HHIP: variants seen among roughly 807,000 people sequenced by gnomAD.
HHIP encodes the protein hedgehog-interacting protein.
HHIP carries 12 observed loss-of-function variants against 74.0 expected under a neutral mutation model. The observed-to-expected ratio is 0.16, with a 90% CI of 0.10 to 0.26. The LOEUF is 0.26. HHIP is among the 10% of genes least tolerant of loss of function. HHIP has a pLI of 1.00. For missense variants in HHIP, 788 were observed against 845.0 expected (o/e 0.93, Z 0.84); for synonymous variants, 309 against 311.6 (o/e 0.99, Z 0.09).
intron 12 of HHIP, 123 bp downstream of exon 12, chr4:144,735,012 A>T (rs1445329482): frequency 2.5e-6 from 2 of 814,124 alleles, no homozygotes; most frequent in South Asian, 2.9e-5. Context: ...AGCCATTTAC[A>T]ATACTATTAA....
At chr4:144,650,341 C>T (rs917713486) in intron 1 of HHIP, among the ~76,000 whole-genome samples, 12 of 152,044 alleles carry the variant, frequency 7.9e-5, no homozygotes, top group Non-Finnish European at 1.3e-4. Context: ...AATAATGTTT[C>T]GAAGTTTTAC....
chr4:144,652,852 A>C (rs1728461853), intron 2 of HHIP, 55 bp downstream of exon 2: 8 of 1,155,102 alleles, frequency 6.9e-6, no homozygotes. Context: ...TCCTTGTAAG[A>C]TACTTGTACT....
intron 4 of HHIP, among the ~76,000 whole-genome samples, chr4:144,692,557 G>T (rs184837447): frequency 1.3e-4 from 20 of 152,200 alleles, no homozygotes; most frequent in Admixed American, 4.6e-4. Context: ...CTTTAGAGAG[G>T]TCTTTGCTAA....
At chr4:144,664,997 G>A (rs1728822040) in intron 4 of HHIP, among the ~76,000 whole-genome samples, 1 of 152,120 alleles carries the variant, frequency 6.6e-6, no homozygotes, top group African/African-American at 2.4e-5. Flanking sequence ...TAAAATTCTG[G>A]TTACAAACCG....
chr4:144,734,859 C>A lies in HHIP; in HGVS notation c.1879C>A (p.Pro627Thr), dbSNP rs200625809. 3 of 1,612,234 alleles carry A rather than the reference C, an allele frequency of 1.9e-6. No individual in the cohort carries two copies. The highest frequency in any genetic ancestry group is 2.5e-6 in the Non-Finnish European group (3 of 1,178,600). The change falls in exon 12 of 13, where the codon CCA (proline) becomes ACA (threonine). Residue 627 changes from proline to threonine, a missense_variant. This residue lies in a region of HHIP where 343 missense variants were observed against 347.9 expected (regional missense o/e 0.99). Coordinates refer to ENST00000296575, the MANE Select transcript of HHIP (RefSeq NM_022475.3). ...CTPTGKCCCSPGWEGDFCRTA... is the reference protein window; with the variant it reads ...CTPTGKCCCSTGWEGDFCRTA... ...CCCCACGGGAAAGTGCTGCTGCAGT[C>A]CAGGCTGGGAGGGGGACTTCTGCAG... is the stretch of plus-strand genomic sequence containing the variant.
At chr4:144,662,418 G>A (rs958976501) in intron 4 of HHIP, among the ~76,000 whole-genome samples, 2 of 152,194 alleles carry the variant, frequency 1.3e-5, no homozygotes, top group African/African-American at 4.8e-5. Flanking sequence ...GGAGATTGTA[G>A]TACCCTGGGG....
chr4:144,714,600 C>T (rs1416057547), intron 9 of HHIP, among the ~76,000 whole-genome samples: 1 of 152,096 alleles, frequency 6.6e-6, no homozygotes, highest in East Asian at 1.9e-4. Context: ...TTCAGATGGA[C>T]TTTTCATATT....
At chr4:144,705,214 A>C (rs1371399815) in intron 4 of HHIP, among the ~76,000 whole-genome samples, 1 of 152,212 alleles carries the variant, frequency 6.6e-6, no homozygotes, top group Non-Finnish European at 1.5e-5. Context: ...TTAAAAGTAA[A>C]CTTTTCTGCC....
chr4:144,655,627 T>C (rs538543117), intron 2 of HHIP, among the ~76,000 whole-genome samples: 3 of 152,112 alleles, frequency 2.0e-5, no homozygotes, highest in Non-Finnish European at 4.4e-5. Flanking sequence ...GCCAGTTAGC[T>C]TACACATGTG....
chr4:144,718,865 TC>T lies in HHIP; in HGVS notation c.1679-9del, dbSNP rs773351041. On this transcript the variant is annotated splice_polypyrimidine_tract_variant and intron_variant, in intron 10 of 12. Transcript: ENST00000296575. The stretch of plus-strand genomic sequence containing the variant: ...ATAAATTTGCTTATTGTTATTTCTT[TC>T]TTTAACAGGTGAAGTTTACATTTTA... 1.1e-5 allele frequency: 18 copies of T among 1,576,466 alleles called. No individual in the cohort carries two copies.
intron 4 of HHIP, among the ~76,000 whole-genome samples, chr4:144,671,514 C>T (rs183186106): frequency 1.3e-5 from 2 of 152,132 alleles, no homozygotes; most frequent in Non-Finnish European, 2.9e-5. Context: ...ATTTTCAGAG[C>T]CTTTGATCTC....
rs747671296 is a variant in HHIP, at chr4:144,646,899, G to A, written c.224G>A (p.Arg75Gln). Residue 75 changes from arginine to glutamine, a missense_variant, in exon 1 of 13, where the codon CGG becomes CAG. Coordinates refer to ENST00000296575, the MANE Select transcript of HHIP (RefSeq NM_022475.3). Reference sequence around the variant, plus strand: ...ATGCTGTGCGGTGGCTTCTACCCTCGGCTGTCCTGCTGCCTGCGGAGTGAC... The same window carrying A: ...ATGCTGTGCGGTGGCTTCTACCCTCAGCTGTCCTGCTGCCTGCGGAGTGAC... ...GEMLCGGFYP[R>Q]LSCCLRSDSP... is the part of the protein sequence containing the mutation. The A allele has an allele frequency of 1.4e-5, 22 of 1,613,900 alleles. No individual in the cohort carries two copies. Among genetic ancestry groups the A allele is most frequent in the South Asian group, 1.1e-4 (10 of 91,068 alleles).
chr4:144,717,416 C>A (rs1294589862), intron 10 of HHIP, among the ~76,000 whole-genome samples: 5 of 152,042 alleles, frequency 3.3e-5, no homozygotes, highest in Non-Finnish European at 5.9e-5. Context: ...GTTTTTAGTA[C>A]AAACTGTGTA....
At chr4:144,659,986 G>A in intron 4 of HHIP, 148 bp downstream of exon 4, 3 of 617,028 alleles carry the variant, frequency 4.9e-6, no homozygotes, top group Non-Finnish European at 5.7e-6. Flanking sequence ...AATAATTATG[G>A]CACCTGAATT....
At chr4:144,679,597 C>A (rs571035237) in intron 4 of HHIP, among the ~76,000 whole-genome samples, 1 of 152,266 alleles carries the variant, frequency 6.6e-6, no homozygotes, top group East Asian at 1.9e-4. Context: ...ATATGGCTAG[C>A]CAGTTTTCCC....
intron 11 of HHIP, among the ~76,000 whole-genome samples, chr4:144,733,781 T>A (rs530956208): frequency 6.6e-6 from 1 of 152,150 alleles, no homozygotes; most frequent in African/African-American, 2.4e-5. Flanking sequence ...CCACTGGATA[T>A]TTTTTTCCCT....
intron 4 of HHIP, chr4:144,660,123 T>A: frequency 2.0e-6 from 1 of 505,274 alleles, no homozygotes; most frequent in South Asian, 3.7e-5. Context: ...AAGTATTGTT[T>A]AAATATTGTT....
Position 144,745,232 on chromosome 4 carries a change from T to C in HHIP, c.*7275T>C, listed in dbSNP as rs1731348166. The C allele has an allele frequency of 6.6e-6, 1 of 152,174 alleles. No homozygotes were observed. Among genetic ancestry groups the C allele is most frequent in the South Asian group, 2.1e-4 (1 of 4,830 alleles). 9.4% of individuals were successfully genotyped at this position (152,174 alleles called of 1,614,324 possible). A position where few individuals can be genotyped will look rare whatever the true frequency, so the allele number is the denominator to read the frequency against. On this transcript the variant is annotated 3_prime_UTR_variant, in exon 13 of 13. Coordinates refer to ENST00000296575, the MANE Select transcript of HHIP (RefSeq NM_022475.3). ...TTAGATTGGCTGTGTTTTGTGTCTTTTAACATGATCAAATGATTAAACTTT... is the reference window on the plus strand; with the variant it reads ...TTAGATTGGCTGTGTTTTGTGTCTTCTAACATGATCAAATGATTAAACTTT...
intron 4 of HHIP, among the ~76,000 whole-genome samples, chr4:144,660,515 C>T (rs1015173440): frequency 3.3e-5 from 5 of 151,790 alleles, no homozygotes; most frequent in Non-Finnish European, 5.9e-5. Flanking sequence ...ATAGCTCATG[C>T]CTATTTTAGA....
Sources: allele counts gnomAD v4.1 joint callset (sites outside exome capture counted in the v4.1 genomes callset), GRCh38; gene constraint gnomAD v4.1.1; regional missense constraint gnomAD v4.1.1; transcripts MANE v1.5; gene names NCBI Gene and HGNC (gene_info 2026-07-23, HGNC 2026-07-21).